Variants in TTC7B observed in about 807,000 individuals in gnomAD.
TTC7B encodes tetratricopeptide repeat domain 7B.
A neutral mutation model predicts 106.8 loss-of-function variants in TTC7B; 28 were observed. The observed-to-expected ratio is 0.26, with a 90% CI of 0.19 to 0.36. TTC7B has a LOEUF of 0.36. Among genes scored for constraint, TTC7B ranks in the 10% least tolerant of loss-of-function variants. The pLI is 1.00. For synonymous variants in TTC7B, 405 were observed against 430.6 expected (o/e 0.94, Z 0.74); for missense variants, 862 against 1,076.4 (o/e 0.80, Z 2.79).
chr14:90,708,568 T>G (rs1400446323), intron 5 of TTC7B, among the ~76,000 whole-genome samples: 1 of 152,238 alleles, frequency 6.6e-6, no homozygotes, highest in Non-Finnish European at 1.5e-5. Flanking sequence ...TGAAGCCCAC[T>G]GTTCAGATGC....
In TTC7B at chr14:90,797,002, C is replaced by T. The variant is rs149372432; in HGVS notation, c.122-10674G>A. ...CTGGGATTACAGGCGCGCACCACCA[C>T]ACCAGGCTAATTTTTGTATTTTAGT... On this transcript the variant is annotated intron_variant, in intron 1 of 19. Coordinates refer to ENST00000328459, the MANE Select transcript of TTC7B (RefSeq NM_001010854.2). Among the ~76,000 whole-genome samples the T allele has an allele frequency of 3.6e-3, 547 of 151,378 alleles. 3 individuals are homozygous for T. Among genetic ancestry groups the T allele is most frequent in the South Asian group, 0.022 (104 of 4,770 alleles).
chr14:90,556,059 C>T (rs1226177272), intron 19 of TTC7B, among the ~76,000 whole-genome samples: 4 of 152,352 alleles, frequency 2.6e-5, no homozygotes, highest in East Asian at 3.9e-4. Context: ...ACCTCCGGCG[C>T]GCCGCGTGGT....
At chr14:90,543,788 T>C (rs1889703572) in intron 19 of TTC7B, among the ~76,000 whole-genome samples, 1 of 152,220 alleles carries the variant, frequency 6.6e-6, no homozygotes, top group Admixed American at 6.5e-5. Context: ...CAATAAAGCC[T>C]TGCCCTCGCT....
intron 19 of TTC7B, among the ~76,000 whole-genome samples, chr14:90,573,384 T>TCCCTCTCCGGCTCACAGG (rs1480825238): frequency 0.098 from 12,312 of 125,180 alleles, 1,819 homozygotes; most frequent in Admixed American, 0.18. Flanking sequence ...CAGCTCACGG[T>TCCCTCTCCGGCTCACAGG]CCCTCTCCGG....
intron 8 of TTC7B, 118 bp downstream of exon 8, chr14:90,680,354 A>G (rs1887002648): frequency 1.4e-6 from 1 of 739,010 alleles, no homozygotes; most frequent in Non-Finnish European, 2.3e-6. Flanking sequence ...ATCCAGGTAT[A>G]CCCTCTAGAA....
chr14:90,558,526 T>A (rs1890423475), intron 19 of TTC7B, among the ~76,000 whole-genome samples: 1 of 152,252 alleles, frequency 6.6e-6, no homozygotes, highest in Admixed American at 6.5e-5. Context: ...GCTTCCCCCA[T>A]CACTGCCAGG....
chr14:90,630,757 G>A (rs148619041), intron 15 of TTC7B, among the ~76,000 whole-genome samples: 1 of 152,158 alleles, frequency 6.6e-6, no homozygotes, highest in East Asian at 1.9e-4. Context: ...TTTTGTGACT[G>A]GCTTATTGCA....
In TTC7B at chr14:90,623,545, T is replaced by C. The variant is rs530765629; in HGVS notation, c.1752-5500A>G. 2.6e-5 allele frequency among the ~76,000 whole-genome samples: 4 copies of C among 152,280 alleles called. No homozygotes were observed. In the South Asian group the frequency reaches 8.3e-4, roughly 32 times the overall value. ...TAATACAAAGTGGTATAAAATACAG[T>C]CCCTTGCTTACAAAAAATTTACAAT... On this transcript the variant is annotated intron_variant, in intron 15 of 19. Transcript: ENST00000328459.
chr14:90,544,186 T>C (rs572341194), intron 19 of TTC7B, among the ~76,000 whole-genome samples: 2 of 152,306 alleles, frequency 1.3e-5, no homozygotes, highest in East Asian at 1.9e-4. Flanking sequence ...CTGCCTCAGG[T>C]AGAGATGGCT....
At position 90,578,350 on chromosome 14, in the gene TTC7B, T is replaced by A; in HGVS notation, c.2108-42A>T. The A allele has an allele frequency of 6.3e-7, 1 of 1,591,960 alleles. No individual in the cohort carries two copies. The highest frequency in any genetic ancestry group is 1.8e-5 in the Admixed American group (1 of 56,574). The stretch of plus-strand genomic sequence containing the variant: ...ACGGCACATGCTTTCCTGGTGCCCC[T>A]CTGAGGCCCTGCGAGCAGCCACCAC... On this transcript the variant is annotated intron_variant, in intron 18 of 19. Coordinates refer to ENST00000328459, the MANE Select transcript of TTC7B (RefSeq NM_001010854.2). The surrounding 1 kb of genome is among the most constrained non-coding windows in gnomAD (Gnocchi z 4.7).
At chr14:90,769,769 A>G (rs934656089) in intron 3 of TTC7B, among the ~76,000 whole-genome samples, 4 of 152,172 alleles carry the variant, frequency 2.6e-5, no homozygotes, top group Non-Finnish European at 5.9e-5. Flanking sequence ...ACTCTGTCTC[A>G]AAACAAACAA....
At position 90,801,125 on chromosome 14, in the gene TTC7B, T is replaced by C. The variant is rs148919130; in HGVS notation, c.122-14797A>G. On this transcript the variant is annotated intron_variant, in intron 1 of 19. Transcript: ENST00000328459. ...CTGTAGTCCAAGCTACAGGGGAGGC[T>C]GAGGCAAGAGGATCGCTTGAGCCCG... Among the ~76,000 whole-genome samples, 642 of 147,714 alleles carry C rather than the reference T, an allele frequency of 4.3e-3. 2 individuals are homozygous for C. The highest frequency in any genetic ancestry group is 0.015 in the African/African-American group (616 of 39,802).
At chr14:90,699,491 T>C (rs1425211329) in intron 5 of TTC7B, 1 of 323,840 alleles carries the variant, frequency 3.1e-6, no homozygotes, top group Non-Finnish European at 6.0e-6. Context: ...TAGGCACCAA[T>C]ACACTTAAAT....
chr14:90,656,308 C>T (rs1885944664), intron 11 of TTC7B, among the ~76,000 whole-genome samples: 1 of 152,190 alleles, frequency 6.6e-6, no homozygotes, highest in South Asian at 2.1e-4. Context: ...CTTTTTATTG[C>T]TAATCTTGAC....
In TTC7B at chr14:90,525,492, C is replaced by T. The variant is rs1889127849; in HGVS notation, c.*15876G>A. 6.9e-6 allele frequency: 1 copy of T among 144,636 alleles called. No homozygotes were observed. Among genetic ancestry groups the T allele is most frequent in the Non-Finnish European group, 1.5e-5 (1 of 65,264 alleles). 9.0% of individuals were successfully genotyped at this position (144,636 alleles called of 1,614,324 possible). A position where few individuals can be genotyped will look rare whatever the true frequency, so the allele number is the denominator to read the frequency against. ...GAGGCCTCGGACCGCACCGCTTTCG[C>T]CCTGCGGCCCGGCTCGGTAGCCTGA... On this transcript the variant is annotated 3_prime_UTR_variant, in exon 20 of 20. Transcript: ENST00000328459.
chr14:90,643,333 G>A (rs528106011), intron 15 of TTC7B, among the ~76,000 whole-genome samples: 6 of 152,064 alleles, frequency 3.9e-5, no homozygotes, highest in Admixed American at 6.5e-5. Flanking sequence ...GCTTGAACCC[G>A]GGAAGTGGAG....
chr14:90,561,963 C>T (rs1890610111), intron 19 of TTC7B, among the ~76,000 whole-genome samples: 1 of 152,210 alleles, frequency 6.6e-6, no homozygotes, highest in African/African-American at 2.4e-5. Flanking sequence ...CCCTCCTGCT[C>T]CCCAAACGTG....
chr14:90,779,111 G>A (rs966343669), intron 3 of TTC7B, among the ~76,000 whole-genome samples: 1 of 152,206 alleles, frequency 6.6e-6, no homozygotes, highest in Non-Finnish European at 1.5e-5. Context: ...GGTTTGAACA[G>A]CAGATGGCCA....
At chr14:90,804,708 G>A (rs899503521) in intron 1 of TTC7B, among the ~76,000 whole-genome samples, 2 of 152,222 alleles carry the variant, frequency 1.3e-5, no homozygotes, top group African/African-American at 4.8e-5. Context: ...CATTTACTGC[G>A]GGTCCCAGGG....
Sources: allele counts gnomAD v4.1 joint callset (sites outside exome capture counted in the v4.1 genomes callset), GRCh38; gene constraint gnomAD v4.1.1; non-coding constraint Gnocchi (gnomAD v3.1); transcripts MANE v1.5; gene names NCBI Gene and HGNC (gene_info 2026-07-23, HGNC 2026-07-21).